Variants in ERP44 observed in about 807,000 individuals in gnomAD.
ERP44 encodes endoplasmic reticulum resident protein 44.
A neutral mutation model predicts 53.4 loss-of-function variants in ERP44; 25 were observed. That is an observed-to-expected ratio of 0.47 (90% CI 0.34 to 0.65). The LOEUF (loss-of-function observed/expected upper bound fraction) is 0.65, where lower values mean the gene tolerates loss of function less well. Among genes scored for constraint, ERP44 ranks in the 30% least tolerant of loss-of-function variants. ERP44 has a pLI of 0.01. For synonymous variants in ERP44, 145 were observed against 161.2 expected, an observed-to-expected ratio of 0.90 and a Z score of 0.76; for missense variants, 338 against 493.2, an observed-to-expected ratio of 0.69 and a Z score of 2.98.
At chr9:100,032,743 T>C (rs1208298326) in intron 4 of ERP44, among the ~76,000 whole-genome samples, 3 of 152,306 alleles carry the variant, frequency 2.0e-5, no homozygotes, top group East Asian at 1.9e-4. Context: ...AATGTTGTCT[T>C]GTATTGATCC....
chr9:100,030,153 T>A (rs1014827658), intron 4 of ERP44, among the ~76,000 whole-genome samples: 1 of 152,188 alleles, frequency 6.6e-6, no homozygotes, highest in Non-Finnish European at 1.5e-5. Context: ...CTGCTCTGCC[T>A]ATGGAGTAGC....
chr9:100,087,054 A>T (rs1826493729), intron 1 of ERP44, among the ~76,000 whole-genome samples: 1 of 151,076 alleles, frequency 6.6e-6, no homozygotes, highest in Admixed American at 6.6e-5. Context: ...AGTAAAAGGG[A>T]GAATATTTAT....
chr9:100,042,327 G>A lies in ERP44; in HGVS notation c.286+10090C>T, dbSNP rs980117539. 7.9e-5 allele frequency among the ~76,000 whole-genome samples: 12 copies of A among 152,208 alleles called. 1 individual carries two copies. Among genetic ancestry groups the A allele is most frequent in the South Asian group, 2.1e-4 (1 of 4,824 alleles). On this transcript the variant is annotated intron_variant, in intron 4 of 11. Transcript: ENST00000262455. Reference sequence around the variant, plus strand: ...AAAAACGTGCACAACATCACTGATCGTCAAAGAAATGCAAATCAAAACTAC... The same window carrying A: ...AAAAACGTGCACAACATCACTGATCATCAAAGAAATGCAAATCAAAACTAC...
intron 7 of ERP44, among the ~76,000 whole-genome samples, 186 bp from the exon 8 acceptor site, chr9:100,016,624 C>T (rs1024819724): frequency 4.6e-5 from 7 of 152,138 alleles, no homozygotes; most frequent in African/African-American, 1.7e-4. Flanking sequence ...ACCTCAGCCT[C>T]CAGAGTAGCT....
At chr9:100,059,258 T>C (rs2118715933) in intron 2 of ERP44, among the ~76,000 whole-genome samples, 1 of 152,358 alleles carries the variant, frequency 6.6e-6, no homozygotes, top group South Asian at 2.1e-4. Context: ...GTACATTTTC[T>C]TAAAGCTCCT....
intron 8 of ERP44, among the ~76,000 whole-genome samples, chr9:100,014,876 A>G (rs755785974): frequency 1.3e-5 from 2 of 152,194 alleles, no homozygotes; most frequent in Non-Finnish European, 2.9e-5. Flanking sequence ...GGTGGCTTAC[A>G]AATTAACAGA....
chr9:100,060,488 C>T (rs1826134341), intron 1 of ERP44, among the ~76,000 whole-genome samples: 1 of 152,058 alleles, frequency 6.6e-6, no homozygotes, highest in South Asian at 2.1e-4. Context: ...TATAGCACCA[C>T]AAGAAAAAAT....
At chr9:100,042,609 C>G (rs1370073782) in intron 4 of ERP44, among the ~76,000 whole-genome samples, 1 of 152,144 alleles carries the variant, frequency 6.6e-6, no homozygotes, top group Admixed American at 6.5e-5. Context: ...ATTTGCACTC[C>G]CATGTTCATT....
intron 5 of ERP44, 71 bp from the exon 6 acceptor site, chr9:100,020,802 T>A (rs1830580150): frequency 7.8e-6 from 6 of 772,300 alleles, no homozygotes; most frequent in Non-Finnish European, 1.1e-5. Flanking sequence ...CATTTACCCG[T>A]TATCTTAGTA....
At position 99,980,194 on chromosome 9, in the gene ERP44, A is replaced by C. The variant is rs1830133830; in HGVS notation, c.*2418T>G. The C allele has an allele frequency of 2.5e-6, 1 of 396,976 alleles. No individual in the cohort carries two copies. Among genetic ancestry groups the C allele is most frequent in the African/African-American group, 2.1e-5 (1 of 48,602 alleles). The allele number at this position is 396,976 out of a possible 1,614,324, so 24.6% of individuals were successfully genotyped here. A position where few individuals can be genotyped will look rare whatever the true frequency, so the allele number is the denominator to read the frequency against. On this transcript the variant is annotated 3_prime_UTR_variant, in exon 12 of 12. Coordinates refer to ENST00000262455, the MANE Select transcript of ERP44 (RefSeq NM_015051.3). ...TCTTTAACCTTTATTTTGTCTTTACATCTATAACACGTTACAGTCATTGTT... is the reference window on the plus strand; with the variant it reads ...TCTTTAACCTTTATTTTGTCTTTACCTCTATAACACGTTACAGTCATTGTT...
chr9:99,988,459 T>C (rs1830218343), intron 10 of ERP44, among the ~76,000 whole-genome samples: 1 of 152,196 alleles, frequency 6.6e-6, no homozygotes, highest in Non-Finnish European at 1.5e-5. Flanking sequence ...TCTTTTTTGG[T>C]ATGAGGACAT....
At chr9:99,994,935 G>T (rs1268978498) in intron 10 of ERP44, among the ~76,000 whole-genome samples, 2 of 152,102 alleles carry the variant, frequency 1.3e-5, no homozygotes, top group African/African-American at 4.8e-5. Context: ...TAAATTTATA[G>T]GTCAATTTGA....
chr9:100,016,784 C>T (rs1436020355), intron 7 of ERP44, among the ~76,000 whole-genome samples: 2 of 152,186 alleles, frequency 1.3e-5, no homozygotes, highest in Non-Finnish European at 2.9e-5. Context: ...AAACATAGAT[C>T]ATGGAACTTC....
At chr9:100,022,843 G>C (rs1830608351) in intron 4 of ERP44, among the ~76,000 whole-genome samples, 1 of 152,104 alleles carries the variant, frequency 6.6e-6, no homozygotes, top group Non-Finnish European at 1.5e-5. Context: ...TCTCAGAAGG[G>C]GGGCTGGAGG....
chr9:100,004,145 T>C (rs1830405116), intron 10 of ERP44, among the ~76,000 whole-genome samples: 1 of 152,096 alleles, frequency 6.6e-6, no homozygotes, highest in Non-Finnish European at 1.5e-5. Flanking sequence ...AGGCTGAGTG[T>C]GCAGGTGCTG....
chr9:100,030,855 A>G (rs1473329220), intron 4 of ERP44, among the ~76,000 whole-genome samples: 2 of 152,158 alleles, frequency 1.3e-5, no homozygotes, highest in African/African-American at 2.4e-5. Context: ...GGCCTCCCTG[A>G]GCACCTTGCC....
In ERP44 at chr9:100,098,936, G is replaced by T; in HGVS notation, c.-96C>A. 1 of 945,320 alleles carries T rather than the reference G, an allele frequency of 1.1e-6. No homozygotes were observed. The highest frequency in any genetic ancestry group is 1.7e-6 in the Non-Finnish European group (1 of 602,750). 58.6% of individuals were successfully genotyped at this position (945,320 alleles called of 1,614,324 possible). A position where few individuals can be genotyped will look rare whatever the true frequency, so the allele number is the denominator to read the frequency against. ...AAAGGGCTGGGCTCCGGGAGCCGAC[G>T]GCAGCGGAGGATTCTCCAGGCAGCG... On this transcript the variant is annotated 5_prime_UTR_variant, in exon 1 of 12. Transcript: ENST00000262455.
chr9:100,022,228 T>C lies in ERP44; in HGVS notation c.287-2A>G. The C allele has an allele frequency of 6.2e-7, 1 of 1,601,916 alleles. No homozygotes were observed. The highest frequency in any genetic ancestry group is 8.5e-7 in the Non-Finnish European group (1 of 1,175,228). On this transcript the variant is annotated splice_acceptor_variant, in intron 4 of 11. Coordinates refer to ENST00000262455, the MANE Select transcript of ERP44 (RefSeq NM_015051.3). LOFTEE classifies it high-confidence loss of function. ...TCCTGTATCTCTGGGCTATGTCAGC[T>C]AAAAGAATGAAAAAAAATTATTTAC...
intron 4 of ERP44, among the ~76,000 whole-genome samples, chr9:100,028,539 C>T (rs1830677742): frequency 6.6e-6 from 1 of 152,224 alleles, no homozygotes; most frequent in Admixed American, 6.5e-5. Context: ...GGAAAGCAGA[C>T]AGTTACAAAG....
Sources: gnomAD v4.1 joint callset for allele counts (sites outside exome capture counted in the v4.1 genomes callset) on GRCh38, gnomAD v4.1.1 for gene constraint, MANE v1.5 for transcripts, NCBI Gene and HGNC (gene_info 2026-07-23, HGNC 2026-07-21) for gene names.